The following PUDP variants were observed in gnomAD, a reference collection of about 807,000 sequenced individuals.
The protein encoded by PUDP is pseudouridine-5'-phosphatase.
In PUDP, 8 loss-of-function variants were observed where a neutral mutation model predicts 9.4. The observed-to-expected ratio is 0.85, with a 90% CI of 0.50 to 1.53. The LOEUF is 1.53. Ranked by LOEUF, PUDP falls within the 40% of genes most tolerant of loss-of-function variation. The probability of loss-of-function intolerance (pLI) is 0.00; values close to 1 mark genes in which losing one functional copy is unlikely to be tolerated. For synonymous variants in PUDP, 99 were observed against 80.7 expected (o/e 1.23, Z -1.22); for missense variants, 188 against 189.7 (o/e 0.99, Z 0.05).
chrX:6,891,747 G>A (rs1927519718), intron 3 of PUDP, among the ~76,000 whole-genome samples: 1 of 112,137 alleles, frequency 8.9e-6, no homozygotes, highest in Non-Finnish European at 1.9e-5. Flanking sequence ...CACCCAGTGA[G>A]ATGTATCACC....
intron 3 of PUDP, among the ~76,000 whole-genome samples, chrX:6,859,041 G>A (rs55671301): frequency 0.093 from 10,296 of 111,065 alleles, 606 homozygotes; most frequent in East Asian, 0.46. Context: ...CAGTGAATAC[G>A]TCTCAGGAGA....
At chrX:6,938,513 C>T (rs1213115235) in intron 3 of PUDP, among the ~76,000 whole-genome samples, 4 of 87,464 alleles carry the variant, frequency 4.6e-5, no homozygotes, top group South Asian at 6.8e-4. Flanking sequence ...GGGATAGCAT[C>T]GGGAGATATA....
chrX:6,934,762 G>A (rs1362536182), intron 3 of PUDP, among the ~76,000 whole-genome samples: 2 of 87,913 alleles, frequency 2.3e-5, no homozygotes, highest in African/African-American at 8.5e-5. Flanking sequence ...GACACACATA[G>A]GCTCAAAATA....
At chrX:7,069,265 G>A (rs1198227690) in intron 3 of PUDP, among the ~76,000 whole-genome samples, 1 of 111,442 alleles carries the variant, frequency 9.0e-6, no homozygotes, top group Non-Finnish European at 1.9e-5. Context: ...CCGAGGCGAG[G>A]TGAGGAGGCG....
At chrX:6,787,859 A>C (rs1053386986) in intron 3 of PUDP, among the ~76,000 whole-genome samples, 1 of 112,775 alleles carries the variant, frequency 8.9e-6, no homozygotes, top group African/African-American at 3.2e-5. Flanking sequence ...AAAAATATAC[A>C]TTCATGACTG....
At chrX:6,914,608 G>A (rs1333746675) in intron 3 of PUDP, among the ~76,000 whole-genome samples, 2 of 112,038 alleles carry the variant, frequency 1.8e-5, no homozygotes, top group Non-Finnish European at 3.8e-5. Flanking sequence ...AATGGTGGCC[G>A]TCTAGAAATA....
At chrX:6,755,387 A>T (rs1216699718) in intron 3 of PUDP, among the ~76,000 whole-genome samples, 5 of 111,721 alleles carry the variant, frequency 4.5e-5, no homozygotes, top group African/African-American at 1.6e-4. Flanking sequence ...AAATTAATTC[A>T]ACCAACAATC....
intron 1 of PUDP, among the ~76,000 whole-genome samples, chrX:7,034,736 G>A (rs1243347763): frequency 3.6e-5 from 4 of 110,915 alleles, no homozygotes; most frequent in African/African-American, 6.6e-5. Flanking sequence ...GGCCCATACC[G>A]CCCTCTGCTC....
At chrX:7,071,654 G>A (rs1166809680) in intron 3 of PUDP, among the ~76,000 whole-genome samples, 1 of 111,228 alleles carries the variant, frequency 9.0e-6, no homozygotes, top group Non-Finnish European at 1.9e-5. Context: ...TGGTCTGACT[G>A]TCACACTAGG....
chrX:7,145,860 G>A (rs1006216478), intron 1 of PUDP, among the ~76,000 whole-genome samples: 6 of 111,523 alleles, frequency 5.4e-5, no homozygotes, highest in Non-Finnish European at 7.5e-5. Context: ...CAAAATTCCC[G>A]AAAAACAGAC....
At position 7,036,464 on chromosome X, in the gene PUDP, CCATT is replaced by C. The variant is rs1929853855; in HGVS notation, c.204+40752_204+40755del. Among the ~76,000 whole-genome samples the C allele has an allele frequency of 2.7e-5, 3 of 111,569 alleles. No homozygotes were observed. In the South Asian group the frequency reaches 1.1e-3, roughly 42 times the overall value. On this transcript the variant is annotated intron_variant and NMD_transcript_variant, in intron 1 of 3. Transcript: ENST00000655425. The stretch of plus-strand genomic sequence containing the variant: ...ATCTTTGAAAATTTGTTTTCATGTT[CCATT>C]CATTTTTTAACCCATGCAAGGCATT...
chrX:6,718,838 T>C (rs765500812), intron 1 of PUDP, among the ~76,000 whole-genome samples: 56 of 111,981 alleles, frequency 5.0e-4, no homozygotes, highest in Non-Finnish European at 9.0e-4. Context: ...GTGAGGGGGC[T>C]TATGAAGATA....
At chrX:6,772,214 G>A (rs1211349394) in intron 3 of PUDP, among the ~76,000 whole-genome samples, 2 of 112,294 alleles carry the variant, frequency 1.8e-5, no homozygotes, top group Non-Finnish European at 3.8e-5. Flanking sequence ...TTATGTAGCA[G>A]TTAAATCTAG....
chrX:6,969,718 A>C (rs1476416545), intron 3 of PUDP, among the ~76,000 whole-genome samples: 2 of 111,343 alleles, frequency 1.8e-5, no homozygotes, highest in Non-Finnish European at 3.8e-5. Flanking sequence ...GTTGACAAGA[A>C]ATTTTCTTTT....
chrX:6,930,490 C>CA (rs1161627215), intron 3 of PUDP, among the ~76,000 whole-genome samples: 2 of 111,474 alleles, frequency 1.8e-5, no homozygotes, highest in Non-Finnish European at 3.8e-5. Flanking sequence ...AATGCCTTGG[C>CA]AACGTCCTGC....
chrX:6,844,136 G>C (rs930790593), intron 3 of PUDP, among the ~76,000 whole-genome samples: 20 of 112,210 alleles, frequency 1.8e-4, no homozygotes, highest in Non-Finnish European at 1.9e-4. Flanking sequence ...TTCTCACCTT[G>C]AACCTATTTG....
chrX:7,115,863 C>T (rs148621134), intron 1 of PUDP, among the ~76,000 whole-genome samples: 214 of 112,354 alleles, frequency 1.9e-3, no homozygotes, highest in African/African-American at 6.5e-3. Flanking sequence ...AGGAGTGAGG[C>T]CAAACCACAC....
chrX:6,792,720 T>C (rs1468243116), intron 3 of PUDP, among the ~76,000 whole-genome samples: 1 of 112,491 alleles, frequency 8.9e-6, no homozygotes, highest in Non-Finnish European at 1.9e-5. Flanking sequence ...GTTTTTCCTG[T>C]TTCTTTGGGG....
chrX:6,911,034 T>C (rs1047889272), intron 3 of PUDP, among the ~76,000 whole-genome samples: 5 of 112,210 alleles, frequency 4.5e-5, no homozygotes, highest in Non-Finnish European at 7.5e-5. Flanking sequence ...GATAAATGTA[T>C]GCATGTGGAA....
Sources: allele counts gnomAD v4.1 joint callset (sites outside exome capture counted in the v4.1 genomes callset), GRCh38; gene constraint gnomAD v4.1.1; transcripts MANE v1.5; gene names NCBI Gene and HGNC (gene_info 2026-07-23, HGNC 2026-07-21).